Variants in GRM7 observed in about 807,000 individuals in gnomAD.
The protein encoded by GRM7 is metabotropic glutamate receptor 7.
Under a neutral mutation model 84.5 loss-of-function variants are expected in GRM7, and 35 were observed. The ratio of observed to expected loss-of-function variants is 0.41; its 90% CI spans 0.32 to 0.55. The LOEUF is 0.55. Ranked by LOEUF, GRM7 falls within the 20% of genes least tolerant of loss-of-function variation. GRM7 has a pLI of 0.19. For missense variants in GRM7, 1,003 were observed against 1,194.6 expected (o/e 0.84, Z 2.36); for synonymous variants, 487 against 455.1 (o/e 1.07, Z -0.89).
chr3:7,695,967 A>G (rs552381097), intron 9 of GRM7, among the ~76,000 whole-genome samples: 1 of 152,320 alleles, frequency 6.6e-6, no homozygotes, highest in East Asian at 1.9e-4. Flanking sequence ...TGCACTAGTT[A>G]GATTTCAGGT....
intron 9 of GRM7, among the ~76,000 whole-genome samples, chr3:7,733,452 C>G (rs1057423010): frequency 1.4e-4 from 21 of 152,184 alleles, no homozygotes; most frequent in East Asian, 1.9e-4. Flanking sequence ...CCCCATTCCC[C>G]CAGTGCATGT....
At chr3:6,906,367 G>A (rs981865387) in intron 1 of GRM7, among the ~76,000 whole-genome samples, 2 of 152,006 alleles carry the variant, frequency 1.3e-5, no homozygotes, top group African/African-American at 2.4e-5. Context: ...CAGGAGGGGG[G>A]ATTATGCCAT....
chr3:7,480,729 G>T (rs951726027), intron 7 of GRM7, among the ~76,000 whole-genome samples: 21 of 152,110 alleles, frequency 1.4e-4, no homozygotes, highest in Admixed American at 2.0e-4. Context: ...TCAAGCTATG[G>T]GTTTCAAACT....
chr3:6,957,461 C>G (rs1184728114), intron 1 of GRM7, among the ~76,000 whole-genome samples: 1 of 152,224 alleles, frequency 6.6e-6, no homozygotes, highest in Non-Finnish European at 1.5e-5. Context: ...ACTCTCAACA[C>G]TGACACAAAA....
chr3:7,238,828 TCTCCC>T (rs58022159), intron 2 of GRM7, among the ~76,000 whole-genome samples: 5,353 of 147,714 alleles, frequency 0.036, 316 homozygotes, highest in African/African-American at 0.13. Context: ...CCTCCTCTCC[TCTCCC>T]CTCCCCTCCC....
chr3:7,596,626 T>C (rs1212108925), intron 8 of GRM7, among the ~76,000 whole-genome samples: 2 of 152,108 alleles, frequency 1.3e-5, no homozygotes, highest in Non-Finnish European at 2.9e-5. Context: ...GAATGAACCA[T>C]TGTTTTTCAA....
chr3:7,431,038 CATA>C (rs1319202016), intron 5 of GRM7, among the ~76,000 whole-genome samples: 1 of 152,042 alleles, frequency 6.6e-6, no homozygotes, highest in Non-Finnish European at 1.5e-5. Flanking sequence ...CCAGTGCGAA[CATA>C]ATGACTGTGC....
At chr3:7,171,699 C>A (rs529672971) in intron 2 of GRM7, among the ~76,000 whole-genome samples, 2 of 152,276 alleles carry the variant, frequency 1.3e-5, no homozygotes, top group East Asian at 1.9e-4. Flanking sequence ...TACACACCTG[C>A]CTAAGTTGTT....
At chr3:7,675,276 G>C (rs927002908) in intron 8 of GRM7, among the ~76,000 whole-genome samples, 1 of 152,068 alleles carries the variant, frequency 6.6e-6, no homozygotes, top group Non-Finnish European at 1.5e-5. Flanking sequence ...GAATATTCTG[G>C]TTTTCAAAGT....
chr3:7,108,864 C>T (rs1188318799), intron 1 of GRM7, among the ~76,000 whole-genome samples: 1 of 152,074 alleles, frequency 6.6e-6, no homozygotes, highest in African/African-American at 2.4e-5. Flanking sequence ...ATAAAGTTTC[C>T]AATTTTCTCC....
chr3:6,953,443 C>T (rs900229755), intron 1 of GRM7, among the ~76,000 whole-genome samples: 5 of 152,194 alleles, frequency 3.3e-5, no homozygotes, highest in Non-Finnish European at 7.3e-5. Context: ...CTCACCATCT[C>T]TTGACAAACA....
At chr3:6,897,390 C>T (rs955865077) in intron 1 of GRM7, among the ~76,000 whole-genome samples, 1 of 152,148 alleles carries the variant, frequency 6.6e-6, no homozygotes, top group African/African-American at 2.4e-5. Context: ...CTCCAGGTGA[C>T]TTCAATGCCT....
chr3:7,452,340 C>A (rs960534452), intron 5 of GRM7, among the ~76,000 whole-genome samples: 2 of 152,102 alleles, frequency 1.3e-5, no homozygotes, highest in Non-Finnish European at 2.9e-5. Flanking sequence ...TCCTTTTATT[C>A]TAAGGGACCA....
chr3:7,170,324 A>G (rs1266058450), intron 2 of GRM7, among the ~76,000 whole-genome samples: 2 of 152,202 alleles, frequency 1.3e-5, no homozygotes, highest in East Asian at 3.8e-4. Flanking sequence ...CAAGCCATGT[A>G]CAAGTGGCCT....
At chr3:7,562,362 GAA>G (rs74487225) in intron 7 of GRM7, among the ~76,000 whole-genome samples, 4 of 146,346 alleles carry the variant, frequency 2.7e-5, no homozygotes, top group African/African-American at 1.0e-4. Flanking sequence ...TTTTTAAAAA[GAA>G]AAAAAAAATA....
chr3:7,689,915 C>G (rs186075253), intron 9 of GRM7, among the ~76,000 whole-genome samples: 15 of 152,178 alleles, frequency 9.9e-5, no homozygotes, highest in Non-Finnish European at 1.5e-5. Flanking sequence ...ATGGAAGACT[C>G]AAAGGTAAGT....
chr3:7,352,438 T>G (rs933405522), intron 4 of GRM7, among the ~76,000 whole-genome samples: 1 of 152,188 alleles, frequency 6.6e-6, no homozygotes. Context: ...GGATTTGAAC[T>G]CCAGGCTCCA....
intron 1 of GRM7, among the ~76,000 whole-genome samples, chr3:6,891,523 T>G (rs559388741): frequency 6.6e-6 from 1 of 152,198 alleles, no homozygotes; most frequent in Non-Finnish European, 1.5e-5. Context: ...AAAATCTGGG[T>G]TGAAAATTCT....
chr3:7,037,107 A>G (rs1696416089), intron 1 of GRM7, among the ~76,000 whole-genome samples: 1 of 152,140 alleles, frequency 6.6e-6, no homozygotes, highest in Non-Finnish European at 1.5e-5. Flanking sequence ...CCTTCGGTGA[A>G]TTTTTAGAAA....
Sources: gnomAD v4.1 joint callset for allele counts (sites outside exome capture counted in the v4.1 genomes callset) on GRCh38, gnomAD v4.1.1 for gene constraint, MANE v1.5 for transcripts, NCBI Gene and HGNC (gene_info 2026-07-23, HGNC 2026-07-21) for gene names.